Variants in AR observed in about 807,000 individuals in gnomAD.
The protein encoded by AR is dihydrotestosterone receptor.
In AR, 8 loss-of-function variants were observed where a neutral mutation model predicts 53.9. That is an observed-to-expected ratio of 0.15 (90% confidence interval 0.09 to 0.27). AR has a LOEUF of 0.27. AR is among the 10% of genes least tolerant of loss of function. AR has a pLI of 1.00. For synonymous variants in AR, 359 were observed against 316.4 expected (o/e 1.13, Z -1.43); for missense variants, 639 against 742.5 (o/e 0.86, Z 1.62).
chrX:67,604,792 G>A (rs1015966417), intron 1 of AR, among the ~76,000 whole-genome samples: 2 of 111,827 alleles, frequency 1.8e-5, no homozygotes, highest in Non-Finnish European at 3.8e-5. Context: ...TGGTGCCAGA[G>A]TATCAAATAA....
At chrX:67,589,882 A>G (rs1239919277) in intron 1 of AR, among the ~76,000 whole-genome samples, 1 of 111,587 alleles carries the variant, frequency 9.0e-6, no homozygotes, top group Non-Finnish European at 1.9e-5. Flanking sequence ...TGACTGAGGG[A>G]CTATTTTATA....
At chrX:67,673,628 A>AT (rs1194191811) in intron 2 of AR, among the ~76,000 whole-genome samples, 12 of 107,876 alleles carry the variant, frequency 1.1e-4, no homozygotes, top group Middle Eastern at 4.9e-3. Flanking sequence ...ATGTCTGCTT[A>AT]TTTTTTTTTA....
At chrX:67,657,930 T>C (rs149558331) in intron 2 of AR, among the ~76,000 whole-genome samples, 153 of 111,502 alleles carry the variant, frequency 1.4e-3, no homozygotes, top group African/African-American at 4.7e-3. Flanking sequence ...AAAACAGGGG[T>C]TTGGGATTGG....
At chrX:67,685,599 A>G (rs1448852221) in intron 2 of AR, among the ~76,000 whole-genome samples, 1 of 111,998 alleles carries the variant, frequency 8.9e-6, no homozygotes, top group Admixed American at 9.5e-5. Context: ...ATGCATGATT[A>G]CAGGTATCAA....
At chrX:67,567,999 T>C (rs1366795090) in intron 1 of AR, among the ~76,000 whole-genome samples, 1 of 111,210 alleles carries the variant, frequency 9.0e-6, no homozygotes, top group East Asian at 2.9e-4. Flanking sequence ...TGCTTCTTCA[T>C]TGAGCAAGTG....
At position 67,667,676 on chromosome X, in the gene AR, A is replaced by T. The variant is rs1485720161; in HGVS notation, c.1769-18334A>T. On this transcript the variant is annotated intron_variant, in intron 2 of 7. Coordinates refer to ENST00000374690, the MANE Select transcript of AR (RefSeq NM_000044.6). Reference sequence around the variant, plus strand: ...TAGTGTGGACATTTTAACAATATCAATTCTTGAAATCCACGAACATGGAAT... The same window carrying T: ...TAGTGTGGACATTTTAACAATATCATTTCTTGAAATCCACGAACATGGAAT... 2.7e-5 allele frequency among the ~76,000 whole-genome samples: 3 copies of T among 111,760 alleles called. No homozygotes were observed. In the Admixed American group the frequency reaches 2.9e-4, roughly 11 times the overall value.
chrX:67,600,936 T>C (rs1475887633), intron 1 of AR, among the ~76,000 whole-genome samples: 1 of 111,877 alleles, frequency 8.9e-6, no homozygotes, highest in African/African-American at 3.2e-5. Flanking sequence ...GAAAACTGTC[T>C]TCAGTTATAT....
Position 67,648,837 on chromosome X carries a change from C to A in AR, c.1768+5430C>A, listed in dbSNP as rs1227587985. ...CAAGACCTTTTGAGTCCATTGCCTTCTGCTACCATGCCTTACCAATTTCCT... is the reference window on the plus strand; with the variant it reads ...CAAGACCTTTTGAGTCCATTGCCTTATGCTACCATGCCTTACCAATTTCCT... On this transcript the variant is annotated intron_variant, in intron 2 of 7. Transcript: ENST00000374690. Among the ~76,000 whole-genome samples the A allele has an allele frequency of 2.7e-5, 3 of 112,366 alleles. No individual in the cohort carries two copies. The South Asian group carries it at 1.1e-3, about 41-fold the overall frequency.
intron 5 of AR, 133 bp from the exon 6 acceptor site, chrX:67,721,700 C>G: frequency 1.1e-6 from 1 of 891,967 alleles, no homozygotes; most frequent in Non-Finnish European, 1.6e-6. Flanking sequence ...TTTCCTGGTC[C>G]CTGGAGCACC....
In AR at chrX:67,546,508, GGGTGGT is replaced by G; in HGVS notation, c.1365_1370del (p.Gly472_Gly473del). 2 of 966,897 alleles carry G rather than the reference GGGTGGT, an allele frequency of 2.1e-6. No individual in the cohort carries two copies. The highest frequency in any genetic ancestry group is 2.6e-6 in the Non-Finnish European group (2 of 764,032). 79.7% of individuals were successfully genotyped at this position (966,897 alleles called of 1,213,427 possible). A position where few individuals can be genotyped will look rare whatever the true frequency, so the allele number is the denominator to read the frequency against. On this transcript the variant is annotated inframe_deletion, in exon 1 of 8. Coordinates refer to ENST00000374690, the MANE Select transcript of AR (RefSeq NM_000044.6). Reference sequence around the variant, plus strand: ...TGTATGGACCGTGTGGTGGTGGTGGGGGTGGTGGCGGCGGCGGCGGCGGCGGCGGCG... The same window carrying G: ...TGTATGGACCGTGTGGTGGTGGTGGGGGCGGCGGCGGCGGCGGCGGCGGCG...
At chrX:67,567,035 T>C (rs1921584096) in intron 1 of AR, among the ~76,000 whole-genome samples, 1 of 111,253 alleles carries the variant, frequency 9.0e-6, no homozygotes, top group African/African-American at 3.3e-5. Context: ...TTTTGTTTGT[T>C]TGTTTCCTGG....
chrX:67,549,565 A>G (rs918725374), intron 1 of AR, among the ~76,000 whole-genome samples: 4 of 111,817 alleles, frequency 3.6e-5, no homozygotes, highest in Non-Finnish European at 7.5e-5. Flanking sequence ...TCTCTCTGAG[A>G]TCAAACAGGA....
intron 1 of AR, among the ~76,000 whole-genome samples, chrX:67,618,485 A>G (rs1361746767): frequency 9.0e-6 from 1 of 110,999 alleles, no homozygotes; most frequent in East Asian, 2.9e-4. Context: ...AAAGAGGAGA[A>G]AATTTGAGGG....
intron 1 of AR, among the ~76,000 whole-genome samples, chrX:67,598,096 A>G (rs1238357729): frequency 1.8e-5 from 2 of 111,038 alleles, no homozygotes; most frequent in East Asian, 5.7e-4. Flanking sequence ...ATAATTACTT[A>G]TCTGGATTCT....
At chrX:67,595,386 A>G (rs2147369965) in intron 1 of AR, among the ~76,000 whole-genome samples, 1 of 110,949 alleles carries the variant, frequency 9.0e-6, no homozygotes, top group African/African-American at 3.3e-5. Context: ...TTTTAGAAAG[A>G]TTATGCGACT....
At chrX:67,578,879 G>C (rs763507342) in intron 1 of AR, among the ~76,000 whole-genome samples, 5 of 111,534 alleles carry the variant, frequency 4.5e-5, no homozygotes, top group Non-Finnish European at 9.5e-5. Flanking sequence ...AGTTTCTTCT[G>C]GTTATCTGAC....
At chrX:67,593,170 C>G (rs1339499888) in intron 1 of AR, among the ~76,000 whole-genome samples, 2 of 110,573 alleles carry the variant, frequency 1.8e-5, no homozygotes, top group Admixed American at 9.7e-5. Flanking sequence ...CCCTCAGCCT[C>G]TTTCACATTT....
Position 67,724,691 on chromosome X carries a change from A to C in AR, c.*850A>C, listed in dbSNP as rs1207198991. On this transcript the variant is annotated 3_prime_UTR_variant, in exon 8 of 8. Coordinates refer to ENST00000374690, the MANE Select transcript of AR (RefSeq NM_000044.6). Reference sequence around the variant, plus strand: ...TACTGAAAATGTGCTTGTTGTTGAAAATTTGTCTGCATGTTAATGCCTCAC... The same window carrying C: ...TACTGAAAATGTGCTTGTTGTTGAACATTTGTCTGCATGTTAATGCCTCAC... The C allele has an allele frequency of 5.8e-6, 1 of 173,293 alleles. No individual in the cohort carries two copies. The highest frequency in any genetic ancestry group is 8.1e-5 in the East Asian group (1 of 12,365). The allele number at this position is 173,293 out of a possible 1,213,427, so 14.3% of individuals were successfully genotyped here.
chrX:67,711,718 A>T (rs1217403443), intron 4 of AR, 29 bp downstream of exon 4: 8 of 1,176,424 alleles, frequency 6.8e-6, no homozygotes, highest in South Asian at 3.9e-5. Context: ...GGAGCATGAG[A>T]TAAGGGGGAT....
Sources: allele counts gnomAD v4.1 joint callset (sites outside exome capture counted in the v4.1 genomes callset), GRCh38; gene constraint gnomAD v4.1.1; transcripts MANE v1.5; gene names NCBI Gene and HGNC (gene_info 2026-07-23, HGNC 2026-07-21).